Variants in GNL2 observed in about 807,000 individuals in gnomAD.
The protein encoded by GNL2 is nucleolar GTP-binding protein 2.
Under a neutral mutation model 92.3 loss-of-function variants are expected in GNL2, and 51 were observed. The observed-to-expected ratio is 0.55, with a 90% CI of 0.44 to 0.70. The LOEUF (loss-of-function observed/expected upper bound fraction) is 0.70. GNL2 is among the 30% of genes least tolerant of loss of function. The probability of loss-of-function intolerance (pLI) is 0.00; values close to 1 mark genes in which losing one functional copy is unlikely to be tolerated. For missense variants in GNL2, 844 were observed against 895.6 expected, an observed-to-expected ratio of 0.94 and a Z score of 0.74; for synonymous variants, 283 against 300.6, an observed-to-expected ratio of 0.94 and a Z score of 0.61.
chr1:37,583,965 G>T, intron 5 of GNL2, 32 bp from the exon 6 acceptor site: 1 of 1,178,862 alleles, frequency 8.5e-7, no homozygotes. Flanking sequence ...ATGAGCAACT[G>T]AAGCACCATC....
Position 37,567,707 on chromosome 1 carries a change from G to A in GNL2, c.2009C>T (p.Ser670Leu), listed in dbSNP as rs146011668. Residue 670 changes from serine to leucine, a missense_variant, in exon 15 of 16, where the codon TCA (serine) becomes TTA (leucine). Coordinates refer to ENST00000373062, the MANE Select transcript of GNL2 (RefSeq NM_013285.3). The part of the protein sequence containing the change: ...KAQREEEQEH[S>L]NKAPRALTSK... ...TGTAAGCGCCCTGGGAGCTTTATTTGAATGTTCCTGTTCCTCTTCCCTTTG... is the reference window on the plus strand; with the variant it reads ...TGTAAGCGCCCTGGGAGCTTTATTTAAATGTTCCTGTTCCTCTTCCCTTTG... 378 of 1,613,832 alleles carry A rather than the reference G, an allele frequency of 2.3e-4. 4 individuals are homozygous for A. In the Middle Eastern group the frequency reaches 5.4e-3, roughly 23 times the overall value.
Position 37,566,857 on chromosome 1 carries a change from A to G in GNL2, c.2194T>C (p.Ter732GlnextTer7), listed in dbSNP as rs565972010. Residue 732 changes from the stop codon to glutamine, a stop_lost, in exon 16 of 16, where the codon TAA (stop) becomes CAA (glutamine). Transcript: ENST00000373062. ...HKRKKFRQKQ[*>Q] ...ATTTAATAAAAACCTTTTAAACATT[A>G]CTGCTTTTGTCTGAATTTTTTGCGT... 1.2e-5 allele frequency: 20 copies of G among 1,612,490 alleles called. No individual in the cohort carries two copies. Among genetic ancestry groups the G allele is most frequent in the Admixed American group, 1.2e-4 (7 of 59,786 alleles).
At position 37,579,748 on chromosome 1, in the gene GNL2, T is replaced by C. The variant is rs539947551; in HGVS notation, c.909+2475A>G. Among the ~76,000 whole-genome samples the C allele has an allele frequency of 2.4e-3, 365 of 150,062 alleles. 1 individual carries two copies. Among genetic ancestry groups the C allele is most frequent in the African/African-American group, 8.4e-3 (344 of 40,734 alleles). ...CCGTCTCTACTAAAAATACAAAAAT[T>C]AGCTGCGCGTTGTGGCGTGTGCCTG... On this transcript the variant is annotated intron_variant, in intron 8 of 15. Coordinates refer to ENST00000373062, the MANE Select transcript of GNL2 (RefSeq NM_013285.3).
At chr1:37,578,116 G>A (rs1050198450) in intron 8 of GNL2, among the ~76,000 whole-genome samples, 1 of 152,070 alleles carries the variant, frequency 6.6e-6, no homozygotes, top group African/African-American at 2.4e-5. Context: ...TACAGACACT[G>A]GTATCTACAG....
At chr1:37,579,509 T>G (rs1643731467) in intron 8 of GNL2, among the ~76,000 whole-genome samples, 1 of 149,444 alleles carries the variant, frequency 6.7e-6, no homozygotes, top group African/African-American at 2.5e-5. Context: ...ATCGCGCCAT[T>G]GCACTCTAGC....
intron 7 of GNL2, 152 bp from the exon 8 acceptor site, chr1:37,582,488 A>G (rs566936213): frequency 8.2e-4 from 490 of 596,032 alleles, no homozygotes; most frequent in Non-Finnish European, 1.3e-3. Flanking sequence ...TTTTCCAAGT[A>G]TAACAGTTAA....
chr1:37,575,497 A>C lies in GNL2; in HGVS notation c.1143+98T>G. 1 of 662,838 alleles carries C rather than the reference A, an allele frequency of 1.5e-6. No individual in the cohort carries two copies. Among genetic ancestry groups the C allele is most frequent in the East Asian group, 2.9e-5 (1 of 34,324 alleles). 41.1% of individuals were successfully genotyped at this position (662,838 alleles called of 1,614,324 possible). A position where few individuals can be genotyped will look rare whatever the true frequency, so the allele number is the denominator to read the frequency against. ...AAGTTTGGTCAGACAGGCTGACCCC[A>C]AACTGCCTTCTTAATAAGTAAAAAG... On this transcript the variant is annotated intron_variant, in intron 10 of 15. Coordinates refer to ENST00000373062, the MANE Select transcript of GNL2 (RefSeq NM_013285.3). The surrounding 1 kb of genome is among the most constrained non-coding windows in gnomAD (Gnocchi z 4.1).
intron 2 of GNL2, 140 bp from the exon 3 acceptor site, chr1:37,592,946 C>A (rs1643896731): frequency 1.7e-6 from 1 of 603,686 alleles, no homozygotes; most frequent in Non-Finnish European, 3.0e-6. Context: ...CCAGTAAACA[C>A]AAAGTACTTC....
chr1:37,593,566 T>C, intron 2 of GNL2, 196 bp downstream of exon 2: 1 of 518,422 alleles, frequency 1.9e-6, no homozygotes. Context: ...ACCATCACTA[T>C]TTCACCGCCA....
At chr1:37,590,195 C>T (rs780341482) in intron 4 of GNL2, among the ~76,000 whole-genome samples, 58 of 152,308 alleles carry the variant, frequency 3.8e-4, no homozygotes, top group Admixed American at 5.2e-4. Context: ...CAATCTCTGC[C>T]TCCCAGGTTC....
intron 4 of GNL2, among the ~76,000 whole-genome samples, chr1:37,588,018 T>C (rs1212414705): frequency 2.0e-5 from 3 of 152,226 alleles, no homozygotes; most frequent in Non-Finnish European, 4.4e-5. Context: ...AGGAATTGCT[T>C]GTTTTGTAAG....
At chr1:37,570,807 G>C (rs931570108) in intron 12 of GNL2, 1 of 152,230 alleles carries the variant, frequency 6.6e-6, no homozygotes, top group Non-Finnish European at 1.5e-5. Flanking sequence ...TGTGATTGAA[G>C]AGAGTTCATT....
intron 5 of GNL2, among the ~76,000 whole-genome samples, chr1:37,585,006 C>T (rs969935178): frequency 6.7e-6 from 1 of 149,340 alleles, no homozygotes. Context: ...CGCTTGAACC[C>T]GGGAGGCAGA....
intron 4 of GNL2, among the ~76,000 whole-genome samples, chr1:37,590,344 G>C (rs1643880454): frequency 6.6e-6 from 1 of 152,176 alleles, no homozygotes; most frequent in South Asian, 2.1e-4. Context: ...CTGACCTCAG[G>C]TGATCCGCCT....
chr1:37,567,614 T>C lies in GNL2; in HGVS notation c.2043+59A>G, dbSNP rs917026981. The stretch of plus-strand genomic sequence containing the variant: ...TCTGGACCATTTGTTTCAGTGGGTC[T>C]TGACAACTGGAGTTCTAGTTACTCT... On this transcript the variant is annotated intron_variant, in intron 15 of 15. Coordinates refer to ENST00000373062, the MANE Select transcript of GNL2 (RefSeq NM_013285.3). 111 of 1,143,058 alleles carry C rather than the reference T, an allele frequency of 9.7e-5. 1 individual carries two copies. In the Admixed American group the frequency reaches 1.4e-3, roughly 14 times the overall value. 70.8% of individuals were successfully genotyped at this position (1,143,058 alleles called of 1,614,324 possible). A position where few individuals can be genotyped will look rare whatever the true frequency, so the allele number is the denominator to read the frequency against.
rs528939768 is a variant in GNL2, at chr1:37,583,860, G to A, written c.636+7C>T. 11 of 1,498,802 alleles carry A rather than the reference G, an allele frequency of 7.3e-6. No homozygotes were observed. In the African/African-American group the frequency reaches 1.5e-4, roughly 20 times the overall value. The allele number at this position is 1,498,802 out of a possible 1,614,324, so 92.8% of individuals were successfully genotyped here. On this transcript the variant is annotated splice_region_variant and intron_variant, in intron 6 of 15. Transcript: ENST00000373062. ...CCACTCAATGGGAGAGAATTTAGGA[G>A]TCTTACCTTGTAGAGCTCACCCCAT...
intron 8 of GNL2, among the ~76,000 whole-genome samples, chr1:37,577,646 A>G (rs1643699739): frequency 6.6e-6 from 1 of 151,598 alleles, no homozygotes; most frequent in Non-Finnish European, 1.5e-5. Context: ...TAGAAAAACT[A>G]AAGATCCAGC....
intron 12 of GNL2, among the ~76,000 whole-genome samples, chr1:37,571,486 G>A (rs1034596969): frequency 2.6e-5 from 4 of 152,078 alleles, no homozygotes; most frequent in East Asian, 1.9e-4. Context: ...CCAGAGAAAC[G>A]GGATCTGCAT....
intron 4 of GNL2, among the ~76,000 whole-genome samples, chr1:37,588,322 G>A (rs572422098): frequency 6.0e-5 from 9 of 151,128 alleles, no homozygotes; most frequent in African/African-American, 1.7e-4. Context: ...AAGCTCCTCC[G>A]TAAGCACCAC....
Sources: gnomAD v4.1 joint callset for allele counts (sites outside exome capture counted in the v4.1 genomes callset) on GRCh38, gnomAD v4.1.1 for gene constraint, Gnocchi (gnomAD v3.1) non-coding constraint, MANE v1.5 for transcripts, NCBI Gene and HGNC (gene_info 2026-07-23, HGNC 2026-07-21) for gene names.